The following CHD9 variants were observed in gnomAD, a reference collection of about 807,000 sequenced individuals.
The protein encoded by CHD9 is chromodomain helicase DNA binding protein 9, also known as ATP-dependent chromatin remodeler CHD9.
Under a neutral mutation model 316.1 loss-of-function variants are expected in CHD9, and 77 were observed. The observed-to-expected ratio is 0.24, with a 90% CI of 0.20 to 0.29. The LOEUF is 0.29. Among genes scored for constraint, CHD9 ranks in the 10% least tolerant of loss-of-function variants. The probability of loss-of-function intolerance (pLI) is 1.00; values close to 1 mark genes in which losing one functional copy is unlikely to be tolerated. For missense variants in CHD9, 2,763 were observed against 3,438.1 expected (o/e 0.80, Z 4.91); for synonymous variants, 1,129 against 1,158.3 (o/e 0.97, Z 0.51).
chr16:53,062,176 T>C (rs560547715), intron 1 of CHD9, among the ~76,000 whole-genome samples: 23 of 152,340 alleles, frequency 1.5e-4, no homozygotes, highest in African/African-American at 5.5e-4. Flanking sequence ...ACTGTAACAC[T>C]TGATTGTCTC....
At chr16:53,178,427 C>CTTTTTTTTTTTT (rs10569589) in intron 2 of CHD9, among the ~76,000 whole-genome samples, 4 of 98,974 alleles carry the variant, frequency 4.0e-5, no homozygotes, top group African/African-American at 1.1e-4. Context: ...TTGTTGGTTT[C>CTTTTTTTTTTTT]TTTTTTTTTT....
At chr16:53,058,031 G>A (rs1336748926) in intron 1 of CHD9, among the ~76,000 whole-genome samples, 2 of 152,150 alleles carry the variant, frequency 1.3e-5, no homozygotes, top group Non-Finnish European at 2.9e-5. Flanking sequence ...CTTCGTTCAG[G>A]CATGAGTTAT....
chr16:53,210,334 G>A (rs971060707), intron 3 of CHD9, among the ~76,000 whole-genome samples: 1 of 149,336 alleles, frequency 6.7e-6, no homozygotes, highest in African/African-American at 2.5e-5. Context: ...TCAACAATAA[G>A]TGGTTGCCAG....
chr16:53,160,897 A>G (rs1339575894), intron 2 of CHD9, among the ~76,000 whole-genome samples: 2 of 151,938 alleles, frequency 1.3e-5, no homozygotes, highest in African/African-American at 2.4e-5. Flanking sequence ...ACAGAGCAAG[A>G]CTCTGTCTCA....
At chr16:53,193,787 C>T (rs1223267856) in intron 2 of CHD9, among the ~76,000 whole-genome samples, 1 of 152,130 alleles carries the variant, frequency 6.6e-6, no homozygotes, top group African/African-American at 2.4e-5. Context: ...AAATTCACAG[C>T]AACCCTGTTA....
Position 53,285,665 on chromosome 16 carries a change from T to C in CHD9, c.5037T>C (p.Ala1679=), listed in dbSNP as rs1405980395. The C allele has an allele frequency of 6.2e-7, 1 of 1,608,616 alleles. No individual in the cohort carries two copies. Among genetic ancestry groups the C allele is most frequent in the Non-Finnish European group, 8.5e-7 (1 of 1,176,932 alleles). The change falls in exon 25 of 39, where the codon GCT becomes GCC. Residue 1679 remains alanine, a synonymous_variant. Transcript: ENST00000447540. ...CTGCTGAGTGGTGGGATTTTGATGC[T>C]GATAAGTCACTCCTTATTGGAGTTT... is the stretch of plus-strand genomic sequence containing the variant. ...EVPAEWWDFD[A]DKSLLIGVFK... is the part of the protein sequence containing the mutation.
intron 1 of CHD9, among the ~76,000 whole-genome samples, chr16:53,074,274 G>T (rs2034338459): frequency 6.6e-6 from 1 of 152,162 alleles, no homozygotes; most frequent in Non-Finnish European, 1.5e-5. Flanking sequence ...AGTTGACTTG[G>T]GTGCTGTTAA....
At chr16:53,252,456 A>G (rs2050205240) in intron 17 of CHD9, among the ~76,000 whole-genome samples, 1 of 152,190 alleles carries the variant, frequency 6.6e-6, no homozygotes, top group Admixed American at 6.5e-5. Context: ...ATTCTGGAAA[A>G]TAACATTGGA....
intron 13 of CHD9, among the ~76,000 whole-genome samples, chr16:53,244,864 C>T (rs1346668751): frequency 6.6e-6 from 1 of 152,032 alleles, no homozygotes; most frequent in Non-Finnish European, 1.5e-5. Flanking sequence ...TACCGTGGCT[C>T]ACACCTGTAA....
At chr16:53,167,706 A>C (rs894421081) in intron 2 of CHD9, among the ~76,000 whole-genome samples, 2 of 152,048 alleles carry the variant, frequency 1.3e-5, no homozygotes, top group Non-Finnish European at 1.5e-5. Flanking sequence ...TCATATATAC[A>C]TATCATATAT....
At chr16:53,155,736 G>C (rs1320777142) in intron 1 of CHD9, among the ~76,000 whole-genome samples, 190 bp from the exon 2 acceptor site, 2 of 152,054 alleles carry the variant, frequency 1.3e-5, no homozygotes, top group Non-Finnish European at 2.9e-5. Context: ...AGCTCTAGGT[G>C]ACCCACTAAT....
Position 53,142,583 on chromosome 16 carries a change from A to C in CHD9, c.-164-13343A>C, listed in dbSNP as rs191297498. The stretch of plus-strand genomic sequence containing the variant: ...CAGCCTCCCAAAGAGCTGGGATTAC[A>C]GGCATGAGCCACTGTGCCCAGCTTA... On this transcript the variant is annotated intron_variant, in intron 1 of 38. Transcript: ENST00000447540. 8.5e-5 allele frequency among the ~76,000 whole-genome samples: 13 copies of C among 152,364 alleles called. No homozygotes were observed. The East Asian group carries it at 2.3e-3, about 27-fold the overall frequency.
chr16:53,126,606 G>A (rs1414383822), intron 1 of CHD9, among the ~76,000 whole-genome samples: 1 of 37,012 alleles, frequency 2.7e-5, no homozygotes, highest in Non-Finnish European at 5.5e-5. Flanking sequence ...TTTTTTTTTT[G>A]AGATAGGGTT....
At chr16:53,197,735 A>G (rs1597388909) in intron 2 of CHD9, among the ~76,000 whole-genome samples, 1 of 150,918 alleles carries the variant, frequency 6.6e-6, no homozygotes, top group Non-Finnish European at 1.5e-5. Context: ...CTGCGCCGCA[A>G]CCTCCGTCAC....
rs147928384 is a variant in CHD9 at position 53,109,034 on chromosome 16, G to A, written c.-164-46892G>A. On this transcript the variant is annotated intron_variant, in intron 1 of 38. Coordinates refer to ENST00000447540, the MANE Select transcript of CHD9 (RefSeq NM_001308319.2). ...CTGGGGATAACTGATCTTGGGATGT[G>A]CAGGGAGGAATAATGAGATGAGAGT... Among the ~76,000 whole-genome samples, 148 of 152,318 alleles carry A rather than the reference G, an allele frequency of 9.7e-4. 1 individual carries two copies. The highest frequency in any genetic ancestry group is 3.3e-3 in the African/African-American group (138 of 41,556).
intron 27 of CHD9, among the ~76,000 whole-genome samples, chr16:53,289,235 G>A (rs955090402): frequency 1.3e-5 from 2 of 152,050 alleles, no homozygotes; most frequent in Admixed American, 1.3e-4. Flanking sequence ...CTAGAAAGAT[G>A]TGAAAAAGAT....
intron 1 of CHD9, among the ~76,000 whole-genome samples, chr16:53,059,429 C>A (rs567293870): frequency 6.6e-6 from 1 of 152,046 alleles, no homozygotes. Context: ...CATAGTGAGA[C>A]CCCCACCTCT....
At chr16:53,067,732 T>C (rs2033648424) in intron 1 of CHD9, among the ~76,000 whole-genome samples, 1 of 152,180 alleles carries the variant, frequency 6.6e-6, no homozygotes, top group Admixed American at 6.6e-5. Flanking sequence ...CAACATGACT[T>C]ATTACCAGGT....
intron 2 of CHD9, among the ~76,000 whole-genome samples, chr16:53,188,326 T>G (rs2044199354): frequency 6.6e-6 from 1 of 152,210 alleles, no homozygotes. Context: ...CTCTTGCATA[T>G]ATTCCTAGGA....
Sources: gnomAD v4.1 joint callset for allele counts (sites outside exome capture counted in the v4.1 genomes callset) on GRCh38, gnomAD v4.1.1 for gene constraint, MANE v1.5 for transcripts, NCBI Gene and HGNC (gene_info 2026-07-23, HGNC 2026-07-21) for gene names.